Variants in CNBD1 observed in about 807,000 individuals in gnomAD.
The protein encoded by CNBD1 is cyclic nucleotide binding domain containing 1.
CNBD1 carries 71 observed loss-of-function variants against 54.4 expected under a neutral mutation model. The observed-to-expected ratio is 1.30, with a 90% confidence interval of 1.08 to 1.59. CNBD1 has a LOEUF of 1.59. CNBD1 is among the 40% of genes most tolerant of loss of function. The pLI is 0.00. For synonymous variants in CNBD1, 182 were observed against 170.7 expected (o/e 1.07, Z -0.51); for missense variants, 659 against 518.0 (o/e 1.27, Z -2.64).
At chr8:87,196,670 A>G (rs2130790278) in intron 4 of CNBD1, among the ~76,000 whole-genome samples, 1 of 152,324 alleles carries the variant, frequency 6.6e-6, no homozygotes, top group African/African-American at 2.4e-5. Flanking sequence ...TGATAATTAC[A>G]GCTCAGCAGA....
At chr8:87,233,940 C>G (rs1185595490) in intron 5 of CNBD1, among the ~76,000 whole-genome samples, 2 of 152,158 alleles carry the variant, frequency 1.3e-5, no homozygotes, top group African/African-American at 4.8e-5. Flanking sequence ...GCTTTATCAA[C>G]TAAGTTTATG....
At chr8:87,246,512 A>T (rs756306129) in intron 6 of CNBD1, among the ~76,000 whole-genome samples, 2 of 152,178 alleles carry the variant, frequency 1.3e-5, no homozygotes, top group South Asian at 2.1e-4. Context: ...GTTTTATGTT[A>T]TCTAAATTAC....
intron 10 of CNBD1, among the ~76,000 whole-genome samples, chr8:87,360,126 A>T (rs1810497710): frequency 6.6e-6 from 1 of 152,016 alleles, no homozygotes; most frequent in Admixed American, 6.6e-5. Context: ...TTTGGTAAAT[A>T]CCCAAAGAGA....
chr8:87,048,113 G>T (rs1426531768), intron 4 of CNBD1, among the ~76,000 whole-genome samples: 1 of 152,062 alleles, frequency 6.6e-6, no homozygotes. Flanking sequence ...GGAGGACAGT[G>T]TAAGGTCTTT....
chr8:87,025,487 C>T (rs1278594526), intron 4 of CNBD1, among the ~76,000 whole-genome samples: 1 of 152,186 alleles, frequency 6.6e-6, no homozygotes, highest in Admixed American at 6.5e-5. Context: ...CAACTCCGGA[C>T]AGGTAACCTT....
chr8:86,925,782 T>C (rs1809350365), intron 3 of CNBD1, among the ~76,000 whole-genome samples: 1 of 147,146 alleles, frequency 6.8e-6, no homozygotes, highest in Non-Finnish European at 1.5e-5. Flanking sequence ...GCACCTGTAA[T>C]CCTGTGTCTG....
intron 6 of CNBD1, among the ~76,000 whole-genome samples, chr8:87,248,032 T>C (rs1479765453): frequency 2.6e-5 from 4 of 152,192 alleles, no homozygotes; most frequent in Non-Finnish European, 5.9e-5. Context: ...ATTTTCCTGA[T>C]GTGTAATCAT....
chr8:87,385,314 G>A (rs567811020), downstream of CNBD1, among the ~76,000 whole-genome samples: 5 of 152,228 alleles, frequency 3.3e-5, no homozygotes, highest in South Asian at 1.0e-3. Flanking sequence ...GCCAAAACAG[G>A]GCAAGGCATC....
chr8:87,321,629 C>A (rs1809534878), intron 8 of CNBD1, among the ~76,000 whole-genome samples: 1 of 151,976 alleles, frequency 6.6e-6, no homozygotes, highest in Admixed American at 6.6e-5. Context: ...TATTTTCTCT[C>A]ATTCCATAGG....
intron 2 of CNBD1, among the ~76,000 whole-genome samples, chr8:87,420,371 G>C (rs550193490): frequency 1.3e-5 from 2 of 151,916 alleles, no homozygotes; most frequent in Non-Finnish European, 2.9e-5. Flanking sequence ...GAGGTCTCTC[G>C]GAAGGTACAA....
In CNBD1 at chr8:86,881,588, C is replaced by G. The variant is rs146964481; in HGVS notation, c.89-5954C>G. On this transcript the variant is annotated intron_variant, in intron 1 of 10. Transcript: ENST00000518476. Reference sequence around the variant, plus strand: ...AGATAAATATCATTAAAATGGCCATCTGCCCAAAGCAATTTATAGATTCAA... The same window carrying G: ...AGATAAATATCATTAAAATGGCCATGTGCCCAAAGCAATTTATAGATTCAA... Among the ~76,000 whole-genome samples the G allele has an allele frequency of 9.2e-5, 14 of 152,324 alleles. No homozygotes were observed. The East Asian group carries it at 1.7e-3, about 19-fold the overall frequency.
chr8:86,925,066 A>G (rs1368090349), intron 3 of CNBD1, among the ~76,000 whole-genome samples: 2 of 152,142 alleles, frequency 1.3e-5, no homozygotes, highest in Non-Finnish European at 2.9e-5. Flanking sequence ...TCTTTCTTAT[A>G]TTATAAGAGA....
intron 10 of CNBD1, among the ~76,000 whole-genome samples, chr8:87,375,619 G>C (rs1171897903): frequency 6.6e-6 from 1 of 151,682 alleles, no homozygotes; most frequent in Non-Finnish European, 1.5e-5. Context: ...TTATTAGATT[G>C]GAATATTGGT....
intron 8 of CNBD1, among the ~76,000 whole-genome samples, chr8:87,312,916 C>G (rs1364060811): frequency 6.6e-6 from 1 of 151,840 alleles, no homozygotes; most frequent in African/African-American, 2.4e-5. Context: ...TATTTGCTCC[C>G]AGAAAAGTTG....
chr8:87,035,316 C>A (rs1461507076), intron 4 of CNBD1, among the ~76,000 whole-genome samples: 1 of 152,058 alleles, frequency 6.6e-6, no homozygotes, highest in African/African-American at 2.4e-5. Flanking sequence ...GTTGGATAGT[C>A]TTACATTTCC....
chr8:87,145,887 A>G (rs570239472), intron 4 of CNBD1, among the ~76,000 whole-genome samples: 1 of 152,282 alleles, frequency 6.6e-6, no homozygotes, highest in Non-Finnish European at 1.5e-5. Flanking sequence ...AACAGAAGTT[A>G]ACAGTCTGCA....
chr8:87,423,303 C>G (rs1049219138), intron 2 of CNBD1, among the ~76,000 whole-genome samples: 2 of 148,570 alleles, frequency 1.3e-5, no homozygotes, highest in African/African-American at 5.0e-5. Context: ...CCAGAACTTC[C>G]AACACTATGT....
chr8:87,332,937 T>A (rs916030178), intron 8 of CNBD1, among the ~76,000 whole-genome samples: 16 of 152,124 alleles, frequency 1.1e-4, no homozygotes, highest in Non-Finnish European at 2.4e-4. Context: ...ATGGGAATAA[T>A]ATTGAATATA....
intron 8 of CNBD1, among the ~76,000 whole-genome samples, chr8:87,293,075 A>G (rs1808815000): frequency 1.3e-5 from 2 of 152,186 alleles, no homozygotes; most frequent in Non-Finnish European, 1.5e-5. Flanking sequence ...CTGGGTGTTC[A>G]TTCTACCAAT....
Sources: allele counts gnomAD v4.1 joint callset (sites outside exome capture counted in the v4.1 genomes callset), GRCh38; gene constraint gnomAD v4.1.1; transcripts MANE v1.5; gene names NCBI Gene and HGNC (gene_info 2026-07-23, HGNC 2026-07-21).